Variants in KMT2C observed in about 807,000 individuals in gnomAD.
The protein encoded by KMT2C is lysine methyltransferase 2C.
Under a neutral mutation model 507.9 loss-of-function variants are expected in KMT2C, and 88 were observed. That is an observed-to-expected ratio of 0.17 (90% CI 0.15 to 0.21). The LOEUF (loss-of-function observed/expected upper bound fraction) is 0.21, where lower values mean the gene tolerates loss of function less well. KMT2C is among the 10% of genes least tolerant of loss of function. The probability of loss-of-function intolerance (pLI) is 1.00; values close to 1 mark genes in which losing one functional copy is unlikely to be tolerated. For synonymous variants in KMT2C, 2,049 were observed against 2,080.8 expected (o/e 0.98, Z 0.42); for missense variants, 4,954 against 5,957.8 (o/e 0.83, Z 5.55).
intron 3 of KMT2C, among the ~76,000 whole-genome samples, chr7:152,318,876 T>C (rs764541261): frequency 6.6e-6 from 1 of 152,186 alleles, no homozygotes; most frequent in East Asian, 1.9e-4. Context: ...ATAATAGATA[T>C]CGATCATAAC....
chr7:152,145,408 G>A (rs1374804729), intron 53 of KMT2C, 113 bp from the exon 54 acceptor site: 6 of 1,053,400 alleles, frequency 5.7e-6, no homozygotes, highest in South Asian at 4.7e-5. Context: ...CGTTTTCCCC[G>A]ATAATAAAAT....
intron 31 of KMT2C, among the ~76,000 whole-genome samples, chr7:152,192,266 G>A (rs1282636812): frequency 6.6e-6 from 1 of 152,164 alleles, no homozygotes; most frequent in African/African-American, 2.4e-5. Flanking sequence ...ATGGGGGCTG[G>A]GCGCGGTGGC....
intron 51 of KMT2C, 55 bp from the exon 52 acceptor site, chr7:152,149,207 C>A (rs1587692024): frequency 1.4e-6 from 2 of 1,437,334 alleles, no homozygotes; most frequent in Non-Finnish European, 1.8e-6. Context: ...GCCCGGAAAG[C>A]AATTCTTGTT....
At chr7:152,158,210 C>T (rs1317754118) in intron 44 of KMT2C, among the ~76,000 whole-genome samples, 1 of 152,224 alleles carries the variant, frequency 6.6e-6, no homozygotes, top group Non-Finnish European at 1.5e-5. Context: ...GTACCACCAA[C>T]AGCACTGTTA....
chr7:152,339,007 T>A (rs2096964816), intron 2 of KMT2C, among the ~76,000 whole-genome samples: 1 of 152,186 alleles, frequency 6.6e-6, no homozygotes, highest in Non-Finnish European at 1.5e-5. Context: ...TACAAAAGTA[T>A]TTCCCTCAAA....
rs1300263303 is a variant in KMT2C, at chr7:152,148,886, C to T, written c.13041G>A (p.Pro4347=). The T allele has an allele frequency of 1.6e-5, 26 of 1,614,020 alleles. No homozygotes were observed. Among genetic ancestry groups the T allele is most frequent in the Admixed American group, 3.3e-5 (2 of 60,002 alleles). ...TCATTCCTCTCCATTTTTTATTGAG[C>T]GGCCTGCAATCTTCAAACCCACCAT... The part of the protein sequence containing the change: ...AVHGGFEDCR[P]LNKKWRGMKW... The change falls in exon 52 of 59, where the codon CCG becomes CCA. Residue 4347 remains proline (P), a synonymous_variant. Coordinates refer to ENST00000262189, the MANE Select transcript of KMT2C (RefSeq NM_170606.3). The surrounding 1 kb of genome is among the most constrained non-coding windows in gnomAD (Gnocchi z 7.1).
intron 44 of KMT2C, among the ~76,000 whole-genome samples, chr7:152,156,873 A>G (rs566646952): frequency 1.8e-4 from 28 of 152,266 alleles, no homozygotes; most frequent in Non-Finnish European, 4.0e-4. Context: ...TAAAGTAACT[A>G]AATCATTAAT....
Position 152,156,309 on chromosome 7 carries a change from G to C in KMT2C, c.11708C>G (p.Ser3903Cys). 1 of 1,614,060 alleles carries C rather than the reference G, an allele frequency of 6.2e-7. No homozygotes were observed. Among genetic ancestry groups the C allele is most frequent in the Non-Finnish European group, 8.5e-7 (1 of 1,179,928 alleles). The stretch of plus-strand genomic sequence containing the variant: ...CATAGGAGGTGGTGTAGGAGGAAGA[G>C]AGGCAGGGGGTGTTGGAGGATTACT... ...NLSNPPTPPA[S>C]LPPTPPPMAC... Residue 3903 changes from serine to cysteine, a missense_variant, in exon 45 of 59, where the codon TCT becomes TGT. Physicochemically the swap from Ser to Cys is moderately radical, Grantham distance 112. Coordinates refer to ENST00000262189, the MANE Select transcript of KMT2C (RefSeq NM_170606.3).
intron 1 of KMT2C, among the ~76,000 whole-genome samples, chr7:152,399,214 C>T (rs772595634): frequency 4.6e-5 from 7 of 152,156 alleles, no homozygotes; most frequent in South Asian, 4.1e-4. Flanking sequence ...CATTCTGAAA[C>T]ACTGGATAAA....
chr7:152,329,227 G>A (rs2096857861), intron 3 of KMT2C, among the ~76,000 whole-genome samples: 1 of 152,112 alleles, frequency 6.6e-6, no homozygotes, highest in Admixed American at 6.6e-5. Context: ...AAGATAAAAT[G>A]AGGAGTGAGA....
chr7:152,147,935 A>C, intron 52 of KMT2C, 98 bp downstream of exon 52: 1 of 1,294,268 alleles, frequency 7.7e-7, no homozygotes, highest in Non-Finnish European at 1.0e-6. Flanking sequence ...TAAAATATAA[A>C]ACTAACATGA....
chr7:152,153,122 C>A, intron 48 of KMT2C, among the ~76,000 whole-genome samples, 168 bp from the exon 49 acceptor site: 1 of 151,622 alleles, frequency 6.6e-6, no homozygotes, highest in East Asian at 2.0e-4. Context: ...TTAGCTCTAA[C>A]GAACTAATAT....
At chr7:152,197,811 T>C (rs2094009701) in intron 27 of KMT2C, among the ~76,000 whole-genome samples, 1 of 152,138 alleles carries the variant, frequency 6.6e-6, no homozygotes. Context: ...AAAAGAGTAG[T>C]TCAATTGCAA....
At chr7:152,355,667 G>A (rs1412774712) in intron 2 of KMT2C, among the ~76,000 whole-genome samples, 1 of 152,110 alleles carries the variant, frequency 6.6e-6, no homozygotes, top group Non-Finnish European at 1.5e-5. Context: ...ATCCTGAAAG[G>A]TTAAGGAGGA....
At chr7:152,185,653 T>C (rs2129123384) in intron 33 of KMT2C, 22 bp from the exon 34 acceptor site, 13 of 1,543,654 alleles carry the variant, frequency 8.4e-6, no homozygotes, top group Non-Finnish European at 1.2e-5. Flanking sequence ...GAACAGAGTA[T>C]AACACTTTCT....
intron 44 of KMT2C, among the ~76,000 whole-genome samples, 197 bp from the exon 45 acceptor site, chr7:152,156,543 G>A (rs1397823759): frequency 6.6e-6 from 1 of 152,070 alleles, no homozygotes; most frequent in Non-Finnish European, 1.5e-5. Context: ...GTGATTTTAT[G>A]GACATACCAA....
intron 3 of KMT2C, among the ~76,000 whole-genome samples, chr7:152,324,378 T>C (rs942597749): frequency 6.6e-6 from 1 of 151,758 alleles, no homozygotes; most frequent in Non-Finnish European, 1.5e-5. Flanking sequence ...TTTACTTGAT[T>C]CAATCATTCC....
rs1169487768 is a variant in KMT2C at position 152,309,313 on chromosome 7, A to ATT, written c.849+651_849+652dup. ...ACATTCCAATGGCTTACACAAATTAATTTTTTTTTTTTTTTTTTTTTGAGG... is the reference window on the plus strand; with the variant it reads ...ACATTCCAATGGCTTACACAAATTAATTTTTTTTTTTTTTTTTTTTTTTGAGG... On this transcript the variant is annotated intron_variant, in intron 6 of 58. Transcript: ENST00000262189. Among the ~76,000 whole-genome samples, 859 of 129,636 alleles carry ATT rather than the reference A, an allele frequency of 6.6e-3. 19 individuals are homozygous for ATT. Among genetic ancestry groups the ATT allele is most frequent in the African/African-American group, 0.025 (815 of 32,952 alleles). The allele number at this position is 129,636 out of a possible 152,430, so 85.0% of individuals were successfully genotyped here. A position where few individuals can be genotyped will look rare whatever the true frequency, so the allele number is the denominator to read the frequency against.
At chr7:152,259,489 C>CAG (rs759191291) in intron 9 of KMT2C, among the ~76,000 whole-genome samples, 85 of 113,882 alleles carry the variant, frequency 7.5e-4, no homozygotes, top group East Asian at 1.3e-3. Flanking sequence ...CACACACACA[C>CAG]AGAGAAAGCA....
Sources: allele counts gnomAD v4.1 joint callset (sites outside exome capture counted in the v4.1 genomes callset), GRCh38; gene constraint gnomAD v4.1.1; non-coding constraint Gnocchi (gnomAD v3.1); transcripts MANE v1.5; gene names NCBI Gene and HGNC (gene_info 2026-07-23, HGNC 2026-07-21).